The following ZNF398 variants were observed in gnomAD, a reference collection of about 807,000 sequenced individuals.
The protein encoded by ZNF398 is zinc finger DNA binding protein ZER6.
A neutral mutation model predicts 41.9 loss-of-function variants in ZNF398; 18 were observed. The observed-to-expected ratio is 0.43, with a 90% CI of 0.30 to 0.64. The LOEUF is 0.64. Among genes scored for constraint, ZNF398 ranks in the 30% least tolerant of loss-of-function variants. The probability of loss-of-function intolerance (pLI) is 0.14; values close to 1 mark genes in which losing one functional copy is unlikely to be tolerated. For missense variants in ZNF398, 669 were observed against 822.8 expected (o/e 0.81, Z 2.29); for synonymous variants, 260 against 308.8 (o/e 0.84, Z 1.66).
chr7:149,160,682 G>A (rs1795090390), intron 2 of ZNF398, among the ~76,000 whole-genome samples: 1 of 152,156 alleles, frequency 6.6e-6, no homozygotes, highest in Admixed American at 6.5e-5. Context: ...GTATGTAGTG[G>A]ATACTCAGAA....
Position 149,147,956 on chromosome 7 carries a change from C to G in ZNF398, c.24+190C>G, listed in dbSNP as rs997909949. On this transcript the variant is annotated intron_variant, in intron 1 of 5. Transcript: ENST00000475153. The surrounding 1 kb of genome is among the most constrained non-coding windows in gnomAD (Gnocchi z 5.6). ...TAGCGGGTGGGTGTGAAACCGCCCA[C>G]CCGGGGACACCAGGCTGGGCCGCAG... Among the ~76,000 whole-genome samples, 1 of 152,172 alleles carries G rather than the reference C, an allele frequency of 6.6e-6. No homozygotes were observed. Among genetic ancestry groups the G allele is most frequent in the African/African-American group, 2.4e-5 (1 of 41,456 alleles).
intron 2 of ZNF398, among the ~76,000 whole-genome samples, chr7:149,162,660 T>C (rs1229743848): frequency 6.6e-6 from 1 of 152,162 alleles, no homozygotes; most frequent in Non-Finnish European, 1.5e-5. Flanking sequence ...TGGGGAAAGA[T>C]GTAGAACTAT....
chr7:149,156,829 C>G (rs1409887330), intron 2 of ZNF398, among the ~76,000 whole-genome samples: 4 of 149,084 alleles, frequency 2.7e-5, no homozygotes, highest in Admixed American at 6.8e-5. Flanking sequence ...CCACTGAACT[C>G]CAGCCTGGGC....
chr7:149,144,852 G>C (rs1826900858), upstream of ZNF398, among the ~76,000 whole-genome samples: 2 of 152,138 alleles, frequency 1.3e-5, no homozygotes, highest in African/African-American at 2.4e-5. Flanking sequence ...GCCTCCCAAA[G>C]TGCTGGGATT....
Position 149,179,601 on chromosome 7 carries a change from C to A in ZNF398, c.1729C>A (p.Arg577Ser). Reference protein sequence around the residue: ...YPCSYCGRSFRYKQTLKDHLR... With the variant: ...YPCSYCGRSFSYKQTLKDHLR... ...CTGCTCCTACTGTGGCAGGAGCTTC[C>A]GCTACAAACAGACACTCAAGGACCA... is the stretch of plus-strand genomic sequence containing the variant. Residue 577 changes from arginine (R) to serine (S), a missense_variant, in exon 6 of 6, where the codon CGC (arginine) becomes AGC (serine). Transcript: ENST00000475153. This position sits in a 1 kb window ranked among gnomAD's most constrained non-coding sequence, Gnocchi z 6.1. 6.2e-6 allele frequency: 10 copies of A among 1,614,176 alleles called. No individual in the cohort carries two copies. The highest frequency in any genetic ancestry group is 7.6e-6 in the Non-Finnish European group (9 of 1,180,000).
intron 1 of ZNF398, among the ~76,000 whole-genome samples, chr7:149,153,681 T>C (rs982078777): frequency 2.0e-5 from 3 of 152,194 alleles, no homozygotes; most frequent in Admixed American, 1.3e-4. Flanking sequence ...CTGGGCCTTA[T>C]AGCGGAGGAA....
intron 2 of ZNF398, among the ~76,000 whole-genome samples, chr7:149,139,122 T>C (rs1365092637): frequency 1.3e-5 from 2 of 152,092 alleles, no homozygotes; most frequent in Non-Finnish European, 2.9e-5. Flanking sequence ...GTTGACCAGA[T>C]GGTCTTGATT....
intron 4 of ZNF398, among the ~76,000 whole-genome samples, chr7:149,170,254 T>C (rs11976517): frequency 0.045 from 6,776 of 152,268 alleles, 414 homozygotes; most frequent in African/African-American, 0.14. Flanking sequence ...CATCACAGCG[T>C]GAACTCACAC....
rs1016499579 is a variant in ZNF398 at position 149,181,082 on chromosome 7, T to C, written c.*1281T>C. 1.4e-4 allele frequency: 22 copies of C among 152,626 alleles called. No individual in the cohort carries two copies. Among genetic ancestry groups the C allele is most frequent in the African/African-American group, 5.1e-4 (21 of 41,456 alleles). The allele number at this position is 152,626 out of a possible 1,614,324, so 9.5% of individuals were successfully genotyped here. ...CATCTGAGTCTGCTCCTAAGTGGCT[T>C]TGCAACTGGGCCTAAGTTCTGTTTC... On this transcript the variant is annotated 3_prime_UTR_variant, in exon 6 of 6. Transcript: ENST00000475153.
upstream of ZNF398, among the ~76,000 whole-genome samples, chr7:149,146,721 A>C (rs1247456137): frequency 6.6e-6 from 1 of 151,730 alleles, no homozygotes; most frequent in Non-Finnish European, 1.5e-5. Context: ...ATGGTGGTAC[A>C]TGCCTGTAAT....
At chr7:149,177,607 G>C (rs921609815) in intron 5 of ZNF398, among the ~76,000 whole-genome samples, 3 of 152,172 alleles carry the variant, frequency 2.0e-5, no homozygotes, top group Non-Finnish European at 2.9e-5. Context: ...AGTAAGTCAA[G>C]ATGCATAGCA....
At chr7:149,129,543 G>C (rs114419033) in intron 2 of ZNF398, among the ~76,000 whole-genome samples, 114 of 151,512 alleles carry the variant, frequency 7.5e-4, no homozygotes, top group African/African-American at 2.4e-3. Context: ...CCACACCCAG[G>C]TAATTTTTAT....
intron 2 of ZNF398, among the ~76,000 whole-genome samples, chr7:149,164,154 T>G (rs1795174493): frequency 6.8e-6 from 1 of 147,992 alleles, no homozygotes; most frequent in African/African-American, 2.5e-5. Flanking sequence ...GAGCCTGTAA[T>G]CCCAGCACTT....
chr7:149,181,135 A>G lies in ZNF398; in HGVS notation c.*1334A>G, dbSNP rs974932907. On this transcript the variant is annotated 3_prime_UTR_variant, in exon 6 of 6. Transcript: ENST00000475153. ...TTATGGATCTCAAATTTTCATCTGC[A>G]CAATGAGGCTGTTGAAAGGAAAAAA... is the stretch of plus-strand genomic sequence containing the variant. 4.6e-5 allele frequency: 7 copies of G among 152,760 alleles called. No individual in the cohort carries two copies. The highest frequency in any genetic ancestry group is 2.1e-4 in the South Asian group (1 of 4,834). The allele number at this position is 152,760 out of a possible 1,614,324, so 9.5% of individuals were successfully genotyped here. A position where few individuals can be genotyped will look rare whatever the true frequency, so the allele number is the denominator to read the frequency against.
intron 2 of ZNF398, among the ~76,000 whole-genome samples, chr7:149,164,329 C>T (rs879161324): frequency 1.3e-5 from 2 of 151,910 alleles, no homozygotes; most frequent in African/African-American, 2.4e-5. Flanking sequence ...AGGGCGTGAA[C>T]CCGGGAGGCA....
At chr7:149,150,517 TGAGCCCATGAGATG>T (rs936205228) in intron 1 of ZNF398, among the ~76,000 whole-genome samples, 1 of 152,206 alleles carries the variant, frequency 6.6e-6, no homozygotes, top group Admixed American at 6.5e-5. Context: ...GAGAATCGCT[TGAGCCCATGAGATG>T]GAGGTTGCGG....
At chr7:149,162,243 G>A (rs1035474210) in intron 2 of ZNF398, among the ~76,000 whole-genome samples, 3 of 151,948 alleles carry the variant, frequency 2.0e-5, no homozygotes, top group South Asian at 4.2e-4. Context: ...GTGCAGTGGC[G>A]CAGTCTCGGC....
chr7:149,167,638 T>TC (rs1440201830), intron 4 of ZNF398, among the ~76,000 whole-genome samples: 2 of 147,634 alleles, frequency 1.4e-5, no homozygotes, highest in Non-Finnish European at 1.5e-5. Context: ...TCTTTTCTTT[T>TC]TTTTTTTTTT....
chr7:149,173,613 C>A (rs1232654008), intron 4 of ZNF398, among the ~76,000 whole-genome samples: 1 of 151,998 alleles, frequency 6.6e-6, no homozygotes, highest in Admixed American at 6.6e-5. Flanking sequence ...TTGTGGGTGA[C>A]CAGGTGCGTT....
Sources: gnomAD v4.1 joint callset for allele counts (sites outside exome capture counted in the v4.1 genomes callset) on GRCh38, gnomAD v4.1.1 for gene constraint, Gnocchi (gnomAD v3.1) non-coding constraint, MANE v1.5 for transcripts, NCBI Gene and HGNC (gene_info 2026-07-23, HGNC 2026-07-21) for gene names.